WWOX: variants seen among roughly 807,000 people sequenced by gnomAD.
WWOX encodes WW domain containing oxidoreductase, also known as WW domain-containing oxidoreductase.
Under a neutral mutation model 46.2 loss-of-function variants are expected in WWOX, and 69 were observed. The ratio of observed to expected loss-of-function variants is 1.49; its 90% CI spans 1.23 to 1.82. WWOX has a LOEUF of 1.82. Ranked by LOEUF, WWOX falls within the 40% of genes most tolerant of loss-of-function variation. WWOX has a pLI of 0.00. For missense variants in WWOX, 919 were observed against 542.6 expected (o/e 1.69, Z -6.89); for synonymous variants, 359 against 202.6 (o/e 1.77, Z -6.56).
At chr16:78,880,168 A>T (rs2044314455) in intron 8 of WWOX, among the ~76,000 whole-genome samples, 1 of 152,228 alleles carries the variant, frequency 6.6e-6, no homozygotes, top group Non-Finnish European at 1.5e-5. Context: ...ATCAAATCAG[A>T]CATCAGAAAA....
In WWOX at chr16:78,925,834, A is replaced by G. The variant is rs1264764614; in HGVS notation, c.1057-285774A>G. ...AGGTAAAGAGCCTCGCTGAAGCCCTAGTTCTAGCCTACCAGGATTTGGTCA... is the reference window on the plus strand; with the variant it reads ...AGGTAAAGAGCCTCGCTGAAGCCCTGGTTCTAGCCTACCAGGATTTGGTCA... On this transcript the variant is annotated intron_variant, in intron 8 of 8. Transcript: ENST00000566780. Among the ~76,000 whole-genome samples, 3 of 152,306 alleles carry G rather than the reference A, an allele frequency of 2.0e-5. No individual in the cohort carries two copies. In the East Asian group the frequency reaches 5.8e-4, roughly 29 times the overall value.
At chr16:79,094,235 A>G (rs1443825656) in intron 8 of WWOX, among the ~76,000 whole-genome samples, 1 of 147,316 alleles carries the variant, frequency 6.8e-6, no homozygotes, top group African/African-American at 2.5e-5. Context: ...GCATTTCCTG[A>G]GGTTTTTCTT....
intron 4 of WWOX, chr16:78,123,441 T>G (rs1285922745): frequency 4.7e-5 from 2 of 42,962 alleles, no homozygotes; most frequent in African/African-American, 1.1e-4. Flanking sequence ...TTTTGTTTTG[T>G]TTTTTTTTTT....
intron 8 of WWOX, among the ~76,000 whole-genome samples, chr16:79,171,281 T>C (rs1293055898): frequency 6.6e-6 from 1 of 152,228 alleles, no homozygotes; most frequent in Non-Finnish European, 1.5e-5. Context: ...ATTCTGATAA[T>C]GGCTTTCAAT....
intron 8 of WWOX, among the ~76,000 whole-genome samples, chr16:78,977,907 A>G (rs952248729): frequency 1.3e-5 from 2 of 152,238 alleles, no homozygotes; most frequent in Non-Finnish European, 2.9e-5. Flanking sequence ...AAATTCACAT[A>G]ATATAAGATT....
chr16:78,815,107 C>A (rs1269940772), intron 8 of WWOX, among the ~76,000 whole-genome samples: 1 of 152,096 alleles, frequency 6.6e-6, no homozygotes, highest in Admixed American at 6.6e-5. Context: ...GGCAGATTGT[C>A]TGAGGTCAGG....
At chr16:78,854,818 G>A (rs1597725385) in intron 8 of WWOX, among the ~76,000 whole-genome samples, 1 of 152,074 alleles carries the variant, frequency 6.6e-6, no homozygotes, top group Admixed American at 6.5e-5. Flanking sequence ...CCGACCTCAG[G>A]TGATCTGCCC....
At chr16:79,127,893 A>C (rs894464652) in intron 8 of WWOX, among the ~76,000 whole-genome samples, 1 of 152,334 alleles carries the variant, frequency 6.6e-6, no homozygotes, top group African/African-American at 2.4e-5. Flanking sequence ...GACTGCAAGA[A>C]GGAGAAGATT....
intron 5 of WWOX, among the ~76,000 whole-genome samples, chr16:78,359,163 A>T (rs1277629152): frequency 1.3e-5 from 2 of 152,138 alleles, no homozygotes; most frequent in South Asian, 4.1e-4. Context: ...TACCTTCACC[A>T]TATCATGTAT....
At chr16:78,703,989 G>T (rs758553630) in intron 8 of WWOX, among the ~76,000 whole-genome samples, 1 of 152,064 alleles carries the variant, frequency 6.6e-6, no homozygotes, top group Admixed American at 6.6e-5. Flanking sequence ...GCACAATTCA[G>T]TGGCATAAAA....
At chr16:78,940,308 A>G (rs1222382778) in intron 8 of WWOX, among the ~76,000 whole-genome samples, 1 of 152,196 alleles carries the variant, frequency 6.6e-6, no homozygotes, top group East Asian at 1.9e-4. Flanking sequence ...TTTTTGATTT[A>G]TGAGTCGTCA....
chr16:78,979,680 A>G (rs1420019375), intron 8 of WWOX, among the ~76,000 whole-genome samples: 1 of 152,144 alleles, frequency 6.6e-6, no homozygotes, highest in Non-Finnish European at 1.5e-5. Context: ...CCCATCTCTC[A>G]GAGCCTGTGT....
chr16:79,172,672 G>C (rs1444212864), intron 8 of WWOX, among the ~76,000 whole-genome samples: 1 of 151,950 alleles, frequency 6.6e-6, no homozygotes, highest in Non-Finnish European at 1.5e-5. Context: ...TTTTTTGTTT[G>C]TGTGCACGCG....
At chr16:78,424,837 T>G in intron 6 of WWOX, 33 bp from the exon 7 acceptor site, 1 of 1,613,380 alleles carries the variant, frequency 6.2e-7, no homozygotes, top group Non-Finnish European at 8.5e-7. Context: ...GTAGTGTTTA[T>G]GTCCACATCA....
At chr16:79,011,987 C>A (rs923419159) in intron 8 of WWOX, among the ~76,000 whole-genome samples, 8 of 152,064 alleles carry the variant, frequency 5.3e-5, no homozygotes, top group East Asian at 1.9e-4. Flanking sequence ...CTATCTTTTT[C>A]CTCTATTGTT....
At chr16:78,809,430 A>T (rs777526006) in intron 8 of WWOX, among the ~76,000 whole-genome samples, 3 of 152,064 alleles carry the variant, frequency 2.0e-5, no homozygotes, top group East Asian at 1.9e-4. Context: ...AGTATGTATT[A>T]ATGAGATGAA....
chr16:78,599,471 C>T (rs895028953), intron 8 of WWOX, among the ~76,000 whole-genome samples: 18 of 152,198 alleles, frequency 1.2e-4, no homozygotes, highest in African/African-American at 4.1e-4. Flanking sequence ...AATCAGGCAG[C>T]CCCTCTGACT....
intron 5 of WWOX, among the ~76,000 whole-genome samples, chr16:78,330,013 C>T (rs1300911964): frequency 6.6e-6 from 1 of 152,124 alleles, no homozygotes; most frequent in Non-Finnish European, 1.5e-5. Flanking sequence ...CCTTGTCCTC[C>T]CAAAGTACTG....
chr16:79,001,011 C>T (rs1163094590), intron 8 of WWOX, among the ~76,000 whole-genome samples: 1 of 152,088 alleles, frequency 6.6e-6, no homozygotes, highest in East Asian at 1.9e-4. Context: ...AAGAGCTCAG[C>T]GAGTATTTGC....
Sources: gnomAD v4.1 joint callset for allele counts (sites outside exome capture counted in the v4.1 genomes callset) on GRCh38, gnomAD v4.1.1 for gene constraint, MANE v1.5 for transcripts, NCBI Gene and HGNC (gene_info 2026-07-23, HGNC 2026-07-21) for gene names.